The following FAM53B variants were observed in gnomAD, a reference collection of about 807,000 sequenced individuals.
The protein encoded by FAM53B is family with sequence similarity 53 member B.
FAM53B carries 12 observed loss-of-function variants against 32.7 expected under a neutral mutation model. That is an observed-to-expected ratio of 0.37 (90% CI 0.24 to 0.59). The LOEUF (loss-of-function observed/expected upper bound fraction) is 0.59. FAM53B is among the 20% of genes least tolerant of loss of function. The pLI is 0.72. For missense variants in FAM53B, 477 were observed against 577.7 expected, an observed-to-expected ratio of 0.83 and a Z score of 1.79; for synonymous variants, 234 against 228.7, an observed-to-expected ratio of 1.02 and a Z score of -0.21.
At chr10:124,734,803 G>A (rs1950164150) in intron 1 of FAM53B, among the ~76,000 whole-genome samples, 1 of 152,220 alleles carries the variant, frequency 6.6e-6, no homozygotes, top group Non-Finnish European at 1.5e-5. Flanking sequence ...CAGGATGCCA[G>A]CCAGCCCCAG....
chr10:124,725,590 C>T (rs995868771), intron 1 of FAM53B, among the ~76,000 whole-genome samples: 2 of 152,176 alleles, frequency 1.3e-5, no homozygotes, highest in Non-Finnish European at 2.9e-5. Flanking sequence ...TTGGTGAGAA[C>T]GGGTAAAATC....
At chr10:124,729,488 G>T (rs1465669104) in intron 1 of FAM53B, among the ~76,000 whole-genome samples, 1 of 152,172 alleles carries the variant, frequency 6.6e-6, no homozygotes. Flanking sequence ...AAGTTCATCA[G>T]GCTTACTTAT....
chr10:124,691,495 G>C (rs959850819), intron 3 of FAM53B, among the ~76,000 whole-genome samples: 1 of 151,892 alleles, frequency 6.6e-6, no homozygotes, highest in African/African-American at 2.4e-5. Flanking sequence ...ATTTTTTTTA[G>C]CATATGAATT....
intron 1 of FAM53B, among the ~76,000 whole-genome samples, chr10:124,726,469 G>A (rs1033855525): frequency 6.6e-6 from 1 of 152,204 alleles, no homozygotes; most frequent in Non-Finnish European, 1.5e-5. Flanking sequence ...CTGACCAGTA[G>A]GTGAGAAAGA....
intron 4 of FAM53B, among the ~76,000 whole-genome samples, chr10:124,661,506 C>T (rs1277237217): frequency 2.0e-5 from 3 of 152,228 alleles, no homozygotes; most frequent in Non-Finnish European, 2.9e-5. Context: ...ATAAAAGCTG[C>T]GCCTGTCCTG....
intron 1 of FAM53B, among the ~76,000 whole-genome samples, chr10:124,740,685 T>G (rs1950194601): frequency 6.6e-6 from 1 of 152,230 alleles, no homozygotes; most frequent in South Asian, 2.1e-4. Context: ...CAATGATTTT[T>G]GGAAAGTGTA....
At chr10:124,719,054 A>AG (rs944825487) in intron 1 of FAM53B, among the ~76,000 whole-genome samples, 1 of 151,812 alleles carries the variant, frequency 6.6e-6, no homozygotes, top group Non-Finnish European at 1.5e-5. Context: ...AAATAAAAAA[A>AG]AAGAAGAAGA....
At position 124,733,559 on chromosome 10, in the gene FAM53B, T is replaced by C. The variant is rs1017596145; in HGVS notation, c.-175+10454A>G. Among the ~76,000 whole-genome samples, 11 of 152,246 alleles carry C rather than the reference T, an allele frequency of 7.2e-5. No individual in the cohort carries two copies. The East Asian group carries it at 2.1e-3, about 29-fold the overall frequency. ...AAGGTAGTTTTACACTGAATCAGAC[T>C]GTTTCAACTCACACAACGCCAGAAC... is the stretch of plus-strand genomic sequence containing the variant. On this transcript the variant is annotated intron_variant, in intron 1 of 4. Coordinates refer to ENST00000337318, the MANE Select transcript of FAM53B (RefSeq NM_014661.4). The surrounding 1 kb of genome is among the most constrained non-coding windows in gnomAD (Gnocchi z 4.3).
intron 4 of FAM53B, among the ~76,000 whole-genome samples, chr10:124,643,987 C>G (rs1949494152): frequency 6.6e-6 from 1 of 152,190 alleles, no homozygotes; most frequent in Non-Finnish European, 1.5e-5. Context: ...CTGCTCATGC[C>G]AGGGGCCTCC....
chr10:124,625,389 A>G (rs1949340194), intron 4 of FAM53B, among the ~76,000 whole-genome samples: 1 of 152,106 alleles, frequency 6.6e-6, no homozygotes, highest in African/African-American at 2.4e-5. Context: ...ATTAGACTGG[A>G]GATGCTGGCC....
intron 3 of FAM53B, among the ~76,000 whole-genome samples, chr10:124,683,068 A>G (rs939187718): frequency 1.3e-5 from 2 of 152,234 alleles, no homozygotes; most frequent in African/African-American, 4.8e-5. Context: ...ACTTAAAGCA[A>G]TTAAAATCTC....
chr10:124,651,316 TCCCAAAGG>T lies in FAM53B; in HGVS notation c.907-27720_907-27713del, dbSNP rs1949553807. ...TCGTGTTCCATTTCCCTCTGCACCT[TCCCAAAGG>T]TGCAGAAGGAGGCTGGAGGGGTGCG... On this transcript the variant is annotated intron_variant, in intron 4 of 4. Coordinates refer to ENST00000337318, the MANE Select transcript of FAM53B (RefSeq NM_014661.4). The surrounding 1 kb of genome is among the most constrained non-coding windows in gnomAD (Gnocchi z 5.2). Among the ~76,000 whole-genome samples the T allele has an allele frequency of 6.6e-6, 1 of 152,124 alleles. No homozygotes were observed. The highest frequency in any genetic ancestry group is 1.5e-5 in the Non-Finnish European group (1 of 68,012).
chr10:124,698,097 G>C (rs1349313667), intron 2 of FAM53B, among the ~76,000 whole-genome samples: 1 of 152,212 alleles, frequency 6.6e-6, no homozygotes, highest in Non-Finnish European at 1.5e-5. Flanking sequence ...CTCAGAGAGG[G>C]AAGTCAGGCC....
At chr10:124,666,472 G>A (rs911746223) in intron 4 of FAM53B, among the ~76,000 whole-genome samples, 6 of 152,186 alleles carry the variant, frequency 3.9e-5, no homozygotes, top group Non-Finnish European at 8.8e-5. Flanking sequence ...AACCTGACGC[G>A]AGTGGCTCGA....
intron 4 of FAM53B, among the ~76,000 whole-genome samples, chr10:124,626,164 T>C (rs564734351): frequency 6.6e-6 from 1 of 152,354 alleles, no homozygotes; most frequent in South Asian, 2.1e-4. Context: ...CGTGGCCTGC[T>C]GCGAGTGTTT....
At chr10:124,660,928 G>A (rs975768266) in intron 4 of FAM53B, among the ~76,000 whole-genome samples, 2 of 152,044 alleles carry the variant, frequency 1.3e-5, no homozygotes, top group East Asian at 1.9e-4. Context: ...TATAAAAACA[G>A]GCAATCACTA....
chr10:124,720,562 A>G (rs187154868), intron 1 of FAM53B, among the ~76,000 whole-genome samples: 1 of 152,354 alleles, frequency 6.6e-6, no homozygotes, highest in African/African-American at 2.4e-5. Flanking sequence ...TTTAACAAGT[A>G]CTGGTCAGAG....
intron 4 of FAM53B, among the ~76,000 whole-genome samples, chr10:124,666,664 G>A (rs1027303612): frequency 1.3e-5 from 2 of 152,258 alleles, no homozygotes; most frequent in East Asian, 1.9e-4. Flanking sequence ...GCCCTGCCCC[G>A]GCCACACGCC....
intron 1 of FAM53B, among the ~76,000 whole-genome samples, chr10:124,719,506 T>C (rs1950056198): frequency 6.6e-6 from 1 of 152,120 alleles, no homozygotes; most frequent in Non-Finnish European, 1.5e-5. Context: ...CTTCCAAAAA[T>C]GAGTAATCAT....
Sources: gnomAD v4.1 joint callset for allele counts (sites outside exome capture counted in the v4.1 genomes callset) on GRCh38, gnomAD v4.1.1 for gene constraint, Gnocchi (gnomAD v3.1) non-coding constraint, MANE v1.5 for transcripts, NCBI Gene and HGNC (gene_info 2026-07-23, HGNC 2026-07-21) for gene names.